The following PTPRT variants were observed in gnomAD, a reference collection of about 807,000 sequenced individuals.
PTPRT encodes receptor-type tyrosine-protein phosphatase T.
A neutral mutation model predicts 176.8 loss-of-function variants in PTPRT; 56 were observed. That is an observed-to-expected ratio of 0.32 (90% CI 0.26 to 0.40). PTPRT has a LOEUF of 0.40. Ranked by LOEUF, PTPRT falls within the 10% of genes least tolerant of loss-of-function variation. PTPRT has a pLI of 1.00. For missense variants in PTPRT, 1,540 were observed against 1,908.2 expected (o/e 0.81, Z 3.60); for synonymous variants, 783 against 739.0 (o/e 1.06, Z -0.96).
intron 6 of PTPRT, among the ~76,000 whole-genome samples, chr20:42,737,632 C>CA (rs3064883): frequency 0.018 from 2,584 of 144,702 alleles, 64 homozygotes; most frequent in African/African-American, 0.051. Flanking sequence ...ATTCTGCCTC[C>CA]AAAAAAAAAA....
chr20:42,431,409 T>G (rs971127411), intron 9 of PTPRT, among the ~76,000 whole-genome samples: 1 of 152,158 alleles, frequency 6.6e-6, no homozygotes, highest in African/African-American at 2.4e-5. Context: ...GTATATACAC[T>G]AATGGACAAT....
intron 7 of PTPRT, among the ~76,000 whole-genome samples, chr20:42,492,811 T>C (rs2071584331): frequency 6.6e-6 from 1 of 152,194 alleles, no homozygotes; most frequent in Non-Finnish European, 1.5e-5. Flanking sequence ...TAATACATGT[T>C]CTATTTTTGT....
intron 1 of PTPRT, among the ~76,000 whole-genome samples, chr20:42,991,146 A>G (rs1336530538): frequency 6.6e-6 from 1 of 152,204 alleles, no homozygotes; most frequent in Non-Finnish European, 1.5e-5. Context: ...GAATTTGACC[A>G]GGCTGAGTTA....
intron 9 of PTPRT, among the ~76,000 whole-genome samples, chr20:42,390,233 T>A (rs2058788081): frequency 6.6e-6 from 1 of 152,178 alleles, no homozygotes; most frequent in African/African-American, 2.4e-5. Flanking sequence ...TGTGAATGAA[T>A]CAACACGTAG....
chr20:42,067,300 C>T, the PTPRT span, among the ~76,000 whole-genome samples: 4 of 152,148 alleles, frequency 2.6e-5, no homozygotes, highest in African/African-American at 4.8e-5. Context: ...AGGTTTGTAT[C>T]GGCATTTAGT....
At chr20:43,153,095 T>G (rs2014411437) in intron 1 of PTPRT, among the ~76,000 whole-genome samples, 1 of 152,212 alleles carries the variant, frequency 6.6e-6, no homozygotes, top group African/African-American at 2.4e-5. Context: ...ATTTACCTAG[T>G]GCAAAACACA....
At chr20:42,615,531 G>T (rs2074058006) in intron 7 of PTPRT, among the ~76,000 whole-genome samples, 1 of 138,614 alleles carries the variant, frequency 7.2e-6, no homozygotes, top group Non-Finnish European at 1.5e-5. Flanking sequence ...TACAATGGTT[G>T]AACTGGATTA....
chr20:42,477,930 G>A (rs980160667), intron 7 of PTPRT, among the ~76,000 whole-genome samples: 4 of 152,102 alleles, frequency 2.6e-5, no homozygotes, highest in South Asian at 2.1e-4. Flanking sequence ...CCCTCTTCTC[G>A]GAGCAAGGGA....
At chr20:43,081,387 TTTTCACA>T (rs72011531) in intron 1 of PTPRT, among the ~76,000 whole-genome samples, 1,868 of 152,288 alleles carry the variant, frequency 0.012, 40 homozygotes, top group African/African-American at 0.043. Flanking sequence ...TTCATAAGAG[TTTTCACA>T]TTTCACATTT....
At chr20:42,194,327 T>C (rs533318165) in intron 16 of PTPRT, among the ~76,000 whole-genome samples, 26 of 152,326 alleles carry the variant, frequency 1.7e-4, no homozygotes, top group Middle Eastern at 3.4e-3. Flanking sequence ...GCCCAGTGTC[T>C]GTCTGATGAC....
intron 7 of PTPRT, among the ~76,000 whole-genome samples, chr20:42,642,476 GACA>G: frequency 6.6e-6 from 1 of 152,196 alleles, no homozygotes; most frequent in Middle Eastern, 3.4e-3. Flanking sequence ...TCTTGATGGT[GACA>G]ACAATGATAA....
At chr20:42,172,254 A>T (rs1990109555) in intron 16 of PTPRT, among the ~76,000 whole-genome samples, 1 of 152,204 alleles carries the variant, frequency 6.6e-6, no homozygotes, top group Admixed American at 6.5e-5. Flanking sequence ...CAAGTTAAAG[A>T]TACAGCAGAG....
intron 2 of PTPRT, among the ~76,000 whole-genome samples, chr20:42,801,928 A>G (rs1473445166): frequency 6.6e-6 from 1 of 152,178 alleles, no homozygotes; most frequent in East Asian, 1.9e-4. Context: ...TTCAGTTTAT[A>G]TATAAGGAAC....
chr20:43,028,176 T>A, intron 1 of PTPRT, among the ~76,000 whole-genome samples: 1 of 152,180 alleles, frequency 6.6e-6, no homozygotes, highest in East Asian at 1.9e-4. Context: ...ACAGAGGGCA[T>A]GCCCTATTGT....
rs1309271686 is a variant in PTPRT at position 42,676,552 on chromosome 20, T to G, written c.1153+1314A>C. 1.4e-4 allele frequency among the ~76,000 whole-genome samples: 21 copies of G among 152,176 alleles called. No homozygotes were observed. The East Asian group carries it at 4.1e-3, about 29-fold the overall frequency. On this transcript the variant is annotated intron_variant, in intron 7 of 30. Transcript: ENST00000373187. ...GTATATACAATGCTCTCTCTCTCTC[T>G]CTCTCTCTCTCTTTTATTCATCATG...
At chr20:42,429,315 C>T (rs1321859014) in intron 9 of PTPRT, among the ~76,000 whole-genome samples, 5 of 152,120 alleles carry the variant, frequency 3.3e-5, no homozygotes, top group Non-Finnish European at 7.4e-5. Context: ...CTATTTACAA[C>T]CCTGTGAGCC....
chr20:42,330,405 G>A (rs186235539), intron 11 of PTPRT, among the ~76,000 whole-genome samples: 142 of 152,238 alleles, frequency 9.3e-4, no homozygotes, highest in African/African-American at 3.2e-3. Flanking sequence ...GAACATGGGA[G>A]GCAGAGGTTA....
intron 7 of PTPRT, among the ~76,000 whole-genome samples, chr20:42,538,291 G>A (rs1194120624): frequency 2.0e-5 from 3 of 152,074 alleles, no homozygotes; most frequent in African/African-American, 7.2e-5. Flanking sequence ...CCCCTCTCAA[G>A]GTTCCTTTTC....
intron 7 of PTPRT, among the ~76,000 whole-genome samples, chr20:42,613,975 T>C (rs979737296): frequency 8.0e-6 from 1 of 125,358 alleles, no homozygotes; most frequent in Non-Finnish European, 1.6e-5. Flanking sequence ...TATAACAAAG[T>C]ACCATAGACT....
Sources: gnomAD v4.1 joint callset for allele counts (sites outside exome capture counted in the v4.1 genomes callset) on GRCh38, gnomAD v4.1.1 for gene constraint, MANE v1.5 for transcripts, NCBI Gene and HGNC (gene_info 2026-07-23, HGNC 2026-07-21) for gene names.